TBX10: variants seen among roughly 807,000 people sequenced by gnomAD.
The protein encoded by TBX10 is T-box transcription factor 10, also known as T-box transcription factor TBX10.
TBX10 carries 26 observed loss-of-function variants against 32.4 expected under a neutral mutation model. The observed-to-expected ratio is 0.80, with a 90% CI of 0.59 to 1.11. The LOEUF (loss-of-function observed/expected upper bound fraction) is 1.11, where lower values mean the gene tolerates loss of function less well. TBX10 is among the 50% of genes most tolerant of loss of function. The pLI is 0.00. For missense variants in TBX10, 490 were observed against 494.5 expected (o/e 0.99, Z 0.09); for synonymous variants, 195 against 203.1 (o/e 0.96, Z 0.34).
intron 1 of TBX10, among the ~76,000 whole-genome samples, chr11:67,638,724 G>C (rs747111925): frequency 2.6e-5 from 4 of 152,180 alleles, no homozygotes; most frequent in Non-Finnish European, 2.9e-5. Flanking sequence ...CGGGGGAGGG[G>C]GCGTCTTTGT....
intron 4 of TBX10, among the ~76,000 whole-genome samples, chr11:67,633,911 C>T (rs2134099197): frequency 1.3e-5 from 2 of 152,338 alleles, no homozygotes; most frequent in South Asian, 4.1e-4. Context: ...ATAAAGCGGG[C>T]CCGGCCTAGG....
Position 67,631,410 on chromosome 11 carries a change from A to C in TBX10, c.*195T>G. 2.9e-6 allele frequency: 2 copies of C among 681,846 alleles called. No individual in the cohort carries two copies. Among genetic ancestry groups the C allele is most frequent in the Non-Finnish European group, 2.4e-6 (1 of 410,828 alleles). 42.2% of individuals were successfully genotyped at this position (681,846 alleles called of 1,614,324 possible). A position where few individuals can be genotyped will look rare whatever the true frequency, so the allele number is the denominator to read the frequency against. ...GTATTCAGGCTGCTGGGGTTGGGAG[A>C]TAGAAGTCCTGGTTCCAAGCTTGCC... On this transcript the variant is annotated 3_prime_UTR_variant, in exon 8 of 8. Coordinates refer to ENST00000335385, the MANE Select transcript of TBX10 (RefSeq NM_005995.5).
chr11:67,640,784 TG>T (rs1224176763), upstream of TBX10, among the ~76,000 whole-genome samples: 1 of 151,980 alleles, frequency 6.6e-6, no homozygotes, highest in African/African-American at 2.4e-5. Context: ...ATGGAGGGGC[TG>T]GGGGGCGGCA....
chr11:67,631,939 C>T (rs1855243027), intron 7 of TBX10, 45 bp from the exon 8 acceptor site: 4 of 1,551,892 alleles, frequency 2.6e-6, no homozygotes, highest in Admixed American at 2.0e-5. Context: ...ATCGCATCCT[C>T]ATCCCTCATC....
At chr11:67,641,100 C>T (rs1257639278), upstream of TBX10, among the ~76,000 whole-genome samples, 3 of 151,974 alleles carry the variant, frequency 2.0e-5, no homozygotes, top group African/African-American at 7.3e-5. Context: ...AGTCATCTGC[C>T]CTGGCCATGG....
At chr11:67,632,267 G>A (rs773129370) in intron 7 of TBX10, 51 bp downstream of exon 7, 26 of 1,602,788 alleles carry the variant, frequency 1.6e-5, no homozygotes, top group Middle Eastern at 1.7e-4. Flanking sequence ...TTTGCCTTCC[G>A]CCCACTGTGT....
At position 67,631,797 on chromosome 11, in the gene TBX10, G is replaced by A; in HGVS notation, c.966C>T (p.Tyr322=). The A allele has an allele frequency of 6.3e-7, 1 of 1,594,762 alleles. No homozygotes were observed. The highest frequency in any genetic ancestry group is 8.5e-7 in the Non-Finnish European group (1 of 1,171,012). ...ACAGGCTCTGATACGTGACAGGCCT[G>A]TAGGTGGCCGGGGCCAGCAGGACCT... ...PPEVLLAPAT[Y]RPVTYQSLYS... Residue 322 remains tyrosine (Y), a synonymous_variant, in exon 8 of 8, where the codon TAC becomes TAT. Transcript: ENST00000335385.
At chr11:67,636,070 CTCCT>C (rs1194344920) in intron 1 of TBX10, among the ~76,000 whole-genome samples, 1 of 138,446 alleles carries the variant, frequency 7.2e-6, no homozygotes, top group Non-Finnish European at 1.5e-5. Flanking sequence ...AAAATTAGAA[CTCCT>C]TTTTTTTTTT....
intron 1 of TBX10, among the ~76,000 whole-genome samples, chr11:67,638,210 A>AAAATAAATAAATAAATAAATAAAT (rs3029208): frequency 1.7e-4 from 25 of 149,698 alleles, no homozygotes; most frequent in African/African-American, 5.9e-4. Context: ...TCTGTCTCAA[A>AAAATAAATAAATAAATAAATAAAT]AAATAAATAA....
At position 67,634,246 on chromosome 11, in the gene TBX10, C is replaced by T; in HGVS notation, c.492G>A (p.Gln164=). The T allele has an allele frequency of 6.2e-7, 1 of 1,613,272 alleles. No individual in the cohort carries two copies. Among genetic ancestry groups the T allele is most frequent in the South Asian group, 1.1e-5 (1 of 91,088 alleles). The change falls in exon 4 of 8, where the codon CAG becomes CAA. Residue 164 remains glutamine (Q), a synonymous_variant. Transcript: ENST00000335385. ...GCTTGAGCTTGTCAAAGGACACAATCTGGCGCATCCACTGGGCACCCTTGG... is the reference window on the plus strand; with the variant it reads ...GCTTGAGCTTGTCAAAGGACACAATTTGGCGCATCCACTGGGCACCCTTGG... ...SPAKGAQWMR[Q]IVSFDKLKLT...
At chr11:67,636,923 T>A (rs544597339) in intron 1 of TBX10, among the ~76,000 whole-genome samples, 2 of 152,336 alleles carry the variant, frequency 1.3e-5, no homozygotes, top group South Asian at 2.1e-4. Context: ...AGCTGAGAAG[T>A]GGAAGCAACC....
chr11:67,633,821 C>T (rs768775083), intron 4 of TBX10, among the ~76,000 whole-genome samples: 33 of 152,330 alleles, frequency 2.2e-4, no homozygotes, highest in Admixed American at 3.9e-4. Flanking sequence ...CTGGACCCTG[C>T]CTTTGCCCCA....
intron 1 of TBX10, among the ~76,000 whole-genome samples, chr11:67,637,389 C>G (rs921796694): frequency 6.6e-6 from 1 of 152,154 alleles, no homozygotes; most frequent in Non-Finnish European, 1.5e-5. Flanking sequence ...AGGGTACACT[C>G]GCCAGCAGCT....
At position 67,634,313 on chromosome 11, in the gene TBX10, G is replaced by C; in HGVS notation, c.425C>G (p.Pro142Arg). Residue 142 changes from proline (P) to arginine (R), a missense_variant, in exon 4 of 8, where the codon CCA becomes CGA. By Grantham distance (103) the Pro-to-Arg change is moderately radical. Transcript: ENST00000335385. The part of the protein sequence containing the change: ...SAWLVAGKAD[P>R]ATPGRVHFHP... ...GAAGTGCACGCGGCCAGGTGTGGCT[G>C]GGTCTGCCTTGCCCGCCACCAGCCA... 1 of 1,609,078 alleles carries C rather than the reference G, an allele frequency of 6.2e-7. No individual in the cohort carries two copies. The highest frequency in any genetic ancestry group is 1.3e-5 in the African/African-American group (1 of 75,060).
chr11:67,633,444 C>T (rs779700457), intron 4 of TBX10, among the ~76,000 whole-genome samples: 18 of 152,244 alleles, frequency 1.2e-4, no homozygotes, highest in South Asian at 4.1e-4. Flanking sequence ...CACAGCTGCC[C>T]GGGAAGCCAC....
At chr11:67,639,366 A>G (rs879935751) in intron 1 of TBX10, 100 bp downstream of exon 1, 15 of 1,423,766 alleles carry the variant, frequency 1.1e-5, no homozygotes, top group Non-Finnish European at 1.4e-5. Context: ...CTTGTGAAGG[A>G]CCTGGGTTCA....
Position 67,635,146 on chromosome 11 carries a change from C to A in TBX10, c.125G>T (p.Ser42Ile). 6.2e-7 allele frequency: 1 copy of A among 1,613,830 alleles called. No homozygotes were observed. Among genetic ancestry groups the A allele is most frequent in the Non-Finnish European group, 8.5e-7 (1 of 1,180,026 alleles). The stretch of plus-strand genomic sequence containing the variant: ...GGCCACAGCTTGGGCCCCAGTAGAG[C>A]TGGTGCAAGGGCCTGATGGGAATGG... ...GSPFPSGPCT[S>I]STGAQAVAEP... The change falls in exon 2 of 8, where the codon AGC (serine) becomes ATC (isoleucine). Residue 42 changes from serine (S) to isoleucine (I), a missense_variant. Coordinates refer to ENST00000335385, the MANE Select transcript of TBX10 (RefSeq NM_005995.5).
chr11:67,636,865 TCAAA>T (rs1340695110), intron 1 of TBX10, among the ~76,000 whole-genome samples: 1 of 152,194 alleles, frequency 6.6e-6, no homozygotes, highest in Non-Finnish European at 1.5e-5. Flanking sequence ...AAGAAGGAAC[TCAAA>T]CAGATATTTG....
At chr11:67,638,585 G>C (rs1034246905) in intron 1 of TBX10, among the ~76,000 whole-genome samples, 1 of 152,230 alleles carries the variant, frequency 6.6e-6, no homozygotes, top group African/African-American at 2.4e-5. Context: ...TGAGGTACCA[G>C]GTGGACGGCA....
Sources: allele counts gnomAD v4.1 joint callset (sites outside exome capture counted in the v4.1 genomes callset), GRCh38; gene constraint gnomAD v4.1.1; transcripts MANE v1.5; gene names NCBI Gene and HGNC (gene_info 2026-07-23, HGNC 2026-07-21).